Variants in ABCC4 observed in about 807,000 individuals in gnomAD.
The protein encoded by ABCC4 is ATP binding cassette subfamily C member 4 (PEL blood group), also known as ATP-binding cassette sub-family C member 4.
ABCC4 carries 102 observed loss-of-function variants against 168.5 expected under a neutral mutation model. That is an observed-to-expected ratio of 0.61 (90% CI 0.52 to 0.71). The LOEUF is 0.71. ABCC4 is among the 30% of genes least tolerant of loss of function. The probability of loss-of-function intolerance (pLI) is 0.00; values close to 1 mark genes in which losing one functional copy is unlikely to be tolerated. For synonymous variants in ABCC4, 617 were observed against 590.7 expected, an observed-to-expected ratio of 1.04 and a Z score of -0.65; for missense variants, 1,402 against 1,605.8, an observed-to-expected ratio of 0.87 and a Z score of 2.17.
chr13:95,228,956 A>G (rs2039544468), intron 4 of ABCC4, among the ~76,000 whole-genome samples: 1 of 152,106 alleles, frequency 6.6e-6, no homozygotes, highest in South Asian at 2.1e-4. Flanking sequence ...GATTAAAAGA[A>G]ACAGGAATTC....
chr13:95,120,373 T>C (rs915785071), intron 19 of ABCC4, among the ~76,000 whole-genome samples: 1 of 152,010 alleles, frequency 6.6e-6, no homozygotes, highest in Non-Finnish European at 1.5e-5. Flanking sequence ...AAGACCGGCC[T>C]GGCCAAGATG....
intron 13 of ABCC4, among the ~76,000 whole-genome samples, chr13:95,171,504 C>T (rs975983504): frequency 3.3e-5 from 5 of 150,542 alleles, no homozygotes; most frequent in Admixed American, 6.6e-5. Flanking sequence ...TACAGTGAGC[C>T]GTCATCACAC....
At chr13:95,120,843 C>T (rs2035545883) in intron 19 of ABCC4, among the ~76,000 whole-genome samples, 1 of 152,196 alleles carries the variant, frequency 6.6e-6, no homozygotes, top group Non-Finnish European at 1.5e-5. Context: ...TGGCGGGGCA[C>T]AGACTGGTCC....
chr13:95,184,161 T>A (rs1433020255), intron 11 of ABCC4, among the ~76,000 whole-genome samples: 1 of 152,114 alleles, frequency 6.6e-6, no homozygotes, highest in Non-Finnish European at 1.5e-5. Flanking sequence ...TGGGACACTA[T>A]CCGAGTTACT....
intron 20 of ABCC4, chr13:95,096,177 T>C (rs2034589923): frequency 3.1e-6 from 2 of 638,008 alleles, no homozygotes; most frequent in South Asian, 1.8e-5. Context: ...CGAGATCCCA[T>C]CTCTATGAAA....
chr13:95,159,529 G>C lies in ABCC4; in HGVS notation c.2455+1660C>G, dbSNP rs542196855. Among the ~76,000 whole-genome samples, 7 of 152,286 alleles carry C rather than the reference G, an allele frequency of 4.6e-5. No homozygotes were observed. The East Asian group carries it at 1.4e-3, about 29-fold the overall frequency. On this transcript the variant is annotated intron_variant, in intron 19 of 30. Coordinates refer to ENST00000645237, the MANE Select transcript of ABCC4 (RefSeq NM_005845.5). ...AATCAGCATGAGGAGAAGCCCACAG[G>C]TCTCAAACATGGAGAGGCTGGTTAA... is the stretch of plus-strand genomic sequence containing the variant.
chr13:95,251,156 A>C (rs1314012220), intron 1 of ABCC4, among the ~76,000 whole-genome samples: 1 of 152,154 alleles, frequency 6.6e-6, no homozygotes, highest in Non-Finnish European at 1.5e-5. Context: ...TGTGACCCTG[A>C]CCTGAGTCTT....
intron 18 of ABCC4, 73 bp downstream of exon 18, chr13:95,163,049 C>A (rs2037148978): frequency 2.0e-6 from 2 of 984,612 alleles, no homozygotes; most frequent in African/African-American, 3.2e-5. Context: ...CTCCTGGAAG[C>A]CCTAGTTACT....
chr13:95,290,784 G>A (rs1244366816), intron 1 of ABCC4, among the ~76,000 whole-genome samples: 1 of 149,618 alleles, frequency 6.7e-6, no homozygotes, highest in Non-Finnish European at 1.5e-5. Flanking sequence ...ACTCCAGCCT[G>A]GGCAAAAAGA....
At chr13:95,089,228 A>C (rs2034351402) in intron 20 of ABCC4, among the ~76,000 whole-genome samples, 1 of 152,220 alleles carries the variant, frequency 6.6e-6, no homozygotes, top group Non-Finnish European at 1.5e-5. Context: ...TCACAAGATG[A>C]TTTTGCAGAA....
At chr13:95,163,581 T>C (rs780094542) in intron 17 of ABCC4, 29 bp downstream of exon 17, 139 of 1,597,322 alleles carry the variant, frequency 8.7e-5, no homozygotes, top group Non-Finnish European at 1.2e-4. Context: ...TTTTGGAGTA[T>C]TTCATACATC....
At chr13:95,126,723 ATATAT>A (rs2035776088) in intron 19 of ABCC4, among the ~76,000 whole-genome samples, 1 of 48,046 alleles carries the variant, frequency 2.1e-5, no homozygotes, top group Non-Finnish European at 4.4e-5. Context: ...TTTTTGGAAT[ATATAT>A]ATATATATAT....
At position 95,095,938 on chromosome 13, in the gene ABCC4, C is replaced by T. The variant is rs114573673; in HGVS notation, c.2536-12648G>A. 1,013 of 386,182 alleles carry T rather than the reference C, an allele frequency of 2.6e-3. 12 individuals are homozygous for T. The highest frequency in any genetic ancestry group is 0.018 in the African/African-American group (869 of 48,314). 23.9% of individuals were successfully genotyped at this position (386,182 alleles called of 1,614,324 possible). A position where few individuals can be genotyped will look rare whatever the true frequency, so the allele number is the denominator to read the frequency against. The stretch of plus-strand genomic sequence containing the variant: ...ACTCAATAGAAAAATTGTTAAGACA[C>T]TTAAATAGGTGCTTACCCAAATGAT... On this transcript the variant is annotated intron_variant, in intron 20 of 30. Coordinates refer to ENST00000645237, the MANE Select transcript of ABCC4 (RefSeq NM_005845.5).
At chr13:95,127,638 G>T (rs868323394) in intron 19 of ABCC4, among the ~76,000 whole-genome samples, 5 of 152,098 alleles carry the variant, frequency 3.3e-5, no homozygotes, top group Non-Finnish European at 2.9e-5. Context: ...CATCTGCTAA[G>T]CACAGGTGGT....
At chr13:95,062,227 C>T (rs954759795) in intron 26 of ABCC4, among the ~76,000 whole-genome samples, 13 of 152,164 alleles carry the variant, frequency 8.5e-5, no homozygotes, top group Non-Finnish European at 1.5e-4. Flanking sequence ...CTAAAAGTCA[C>T]CACAAAGCCA....
chr13:95,034,818 A>T, intron 29 of ABCC4, 79 bp from the exon 30 acceptor site: 4 of 1,592,870 alleles, frequency 2.5e-6, no homozygotes, highest in Non-Finnish European at 3.4e-6. Flanking sequence ...TATTTCGGAA[A>T]GGGGCAGGAG....
At chr13:95,073,178 G>C in intron 24 of ABCC4, 26 bp downstream of exon 24, 1 of 1,573,468 alleles carries the variant, frequency 6.4e-7, no homozygotes, top group Non-Finnish European at 8.7e-7. Flanking sequence ...GATTGAAAAG[G>C]CAAAGAACGT....
intron 1 of ABCC4, among the ~76,000 whole-genome samples, chr13:95,291,632 T>C (rs952490654): frequency 1.1e-4 from 16 of 152,196 alleles, no homozygotes; most frequent in African/African-American, 3.6e-4. Context: ...TGCATAGGGA[T>C]AGAAGAGCAG....
At position 95,190,110 on chromosome 13, in the gene ABCC4, G is replaced by A. The variant is rs1614431; in HGVS notation, c.1264-1568C>T. On this transcript the variant is annotated intron_variant, in intron 9 of 30. Transcript: ENST00000645237. ...CTGTAATCCCAACATTTTGGGAGAT[G>A]GAGGTGGGAGGATCACTTGAGCCTA... Among the ~76,000 whole-genome samples the A allele has an allele frequency of 2.5e-3, 378 of 152,246 alleles. 3 individuals carry two copies. The highest frequency in any genetic ancestry group is 8.8e-3 in the African/African-American group (367 of 41,560).
Sources: allele counts gnomAD v4.1 joint callset (sites outside exome capture counted in the v4.1 genomes callset), GRCh38; gene constraint gnomAD v4.1.1; transcripts MANE v1.5; gene names NCBI Gene and HGNC (gene_info 2026-07-23, HGNC 2026-07-21).